SCN1B: variants seen among roughly 807,000 people sequenced by gnomAD.
SCN1B encodes sodium voltage-gated channel beta subunit 1.
Under a neutral mutation model 25.7 loss-of-function variants are expected in SCN1B, and 11 were observed. That is an observed-to-expected ratio of 0.43 (90% CI 0.27 to 0.71). The LOEUF (loss-of-function observed/expected upper bound fraction) is 0.71. Ranked by LOEUF, SCN1B falls within the 30% of genes least tolerant of loss-of-function variation. The pLI, the probability that SCN1B is intolerant of heterozygous loss-of-function variation, is 0.21. For synonymous variants in SCN1B, 119 were observed against 117.5 expected, an observed-to-expected ratio of 1.01 and a Z score of -0.08; for missense variants, 224 against 291.5, an observed-to-expected ratio of 0.77 and a Z score of 1.69.
rs1236649026 is a variant in SCN1B, at chr19:35,030,574, G to T, written c.-247G>T. 6.7e-6 allele frequency: 1 copy of T among 150,084 alleles called. No homozygotes were observed. The highest frequency in any genetic ancestry group is 1.5e-5 in the Non-Finnish European group (1 of 67,568). The allele number at this position is 150,084 out of a possible 1,614,324, so 9.3% of individuals were successfully genotyped here. On this transcript the variant is annotated 5_prime_UTR_variant, in exon 1 of 6. Transcript: ENST00000262631. ...CCCGGCTGCGCGCGCCAGCGCAGCA[G>T]CCCGAGCAGCGGCCGCCGCCCGCGC...
At position 35,039,160 on chromosome 19, in the gene SCN1B, T is replaced by C. The variant is rs535042320; in HGVS notation, c.492T>C (p.Tyr164=). Residue 164 remains tyrosine (Y), a synonymous_variant, in exon 4 of 6, where the codon TAT becomes TAC. Transcript: ENST00000262631. The part of the protein sequence containing the change: ...MASIVSEIMM[Y]VLIVVLTIWL... ...CCATCGTGTCTGAGATCATGATGTA[T>C]GTGCTCATTGTGGTGTTGACCATAT... 389 of 1,614,220 alleles carry C rather than the reference T, an allele frequency of 2.4e-4. 8 individuals carry two copies. In the South Asian group the frequency reaches 4.0e-3, roughly 17 times the overall value.
chr19:35,036,755 ATTATTATTATTT>A (rs1390752608), intron 3 of SCN1B: 16 of 145,104 alleles, frequency 1.1e-4, no homozygotes, highest in Admixed American at 9.8e-4. Flanking sequence ...TATTATTATT[ATTATTATTATTT>A]CAAGTTAGAG....
In SCN1B at chr19:35,039,332, C is replaced by T. The variant is rs72550243; in HGVS notation, c.590+74C>T. 8,402 of 1,595,308 alleles carry T rather than the reference C, an allele frequency of 5.3e-3. 366 individuals carry two copies. The South Asian group carries it at 0.078, about 15-fold the overall frequency. ...CTTGCCAGAGAGGAACTCCGGAGCC[C>T]GGGCAGGGAGGAGGCAGCGGAGCGG... On this transcript the variant is annotated intron_variant, in intron 4 of 5. Transcript: ENST00000262631.
chr19:35,033,874 G>T lies in SCN1B; in HGVS notation c.448+135G>T, dbSNP rs945858287. On this transcript the variant is annotated intron_variant, in intron 3 of 5. Coordinates refer to ENST00000262631, the MANE Select transcript of SCN1B (RefSeq NM_001037.5). ...CCGCCCACAGCAGCGGGCTGAGGGG[G>T]AGGGGAGCAGCCCCTCCTGCCCACT... 4 of 1,605,098 alleles carry T rather than the reference G, an allele frequency of 2.5e-6. No homozygotes were observed. The highest frequency in any genetic ancestry group is 2.2e-5 in the East Asian group (1 of 44,594).
At chr19:35,031,990 C>CTGAG (rs2064216794) in intron 1 of SCN1B, among the ~76,000 whole-genome samples, 1 of 152,126 alleles carries the variant, frequency 6.6e-6, no homozygotes, top group South Asian at 2.1e-4. Flanking sequence ...TGGAGAGGGG[C>CTGAG]TGAGTGTGGG....
Position 35,039,688 on chromosome 19 carries a change from A to G in SCN1B, c.644A>G (p.Gln215Arg). The G allele has an allele frequency of 6.2e-7, 1 of 1,614,196 alleles. No individual in the cohort carries two copies. Among genetic ancestry groups the G allele is most frequent in the Non-Finnish European group, 8.5e-7 (1 of 1,180,010 alleles). ...AGCAAAGAGAACTGCACGGGCGTCC[A>G]GGTGGCCGAATAGCCCTGGTAAGGC... ...SESKENCTGV[Q>R]VAE The change falls in exon 5 of 6, where the codon CAG becomes CGG. Residue 215 changes from glutamine to arginine, a missense_variant. This residue lies in a region of SCN1B where 52 missense variants were observed against 50.8 expected (regional missense o/e 1.02). Coordinates refer to ENST00000262631, the MANE Select transcript of SCN1B (RefSeq NM_001037.5).
Position 35,033,556 on chromosome 19 carries a change from C to T in SCN1B, c.265C>T (p.Arg89Cys), listed in dbSNP as rs766910280. 1.5e-5 allele frequency: 24 copies of T among 1,613,884 alleles called. No homozygotes were observed. Among genetic ancestry groups the T allele is most frequent in the East Asian group, 2.2e-5 (1 of 44,890 alleles). Residue 89 changes from arginine to cysteine, a missense_variant, in exon 3 of 6, where the codon CGC becomes TGC. This residue lies in a region of SCN1B where 126 missense variants were observed against 204.9 expected (regional missense o/e 0.61). Coordinates refer to ENST00000262631, the MANE Select transcript of SCN1B (RefSeq NM_001037.5). ...QLEEDERFEG[R>C]VVWNGSRGTK... ...GGAGGAGGATGAGCGCTTCGAGGGC[C>T]GCGTGGTGTGGAATGGCAGCCGGGG...
At position 35,030,878 on chromosome 19, in the gene SCN1B, G is replaced by T; in HGVS notation, c.40+18G>T. On this transcript the variant is annotated intron_variant, in intron 1 of 5. Coordinates refer to ENST00000262631, the MANE Select transcript of SCN1B (RefSeq NM_001037.5). Reference sequence around the variant, plus strand: ...GGCACTGGGTGAGTGCGCGGGGGGCGCGCGCGGCCGGGGGGCACCGCGGGG... The same window carrying T: ...GGCACTGGGTGAGTGCGCGGGGGGCTCGCGCGGCCGGGGGGCACCGCGGGG... 1 of 629,576 alleles carries T rather than the reference G, an allele frequency of 1.6e-6. No homozygotes were observed. Among genetic ancestry groups the T allele is most frequent in the Non-Finnish European group, 2.1e-6 (1 of 479,134 alleles). 39.0% of individuals were successfully genotyped at this position (629,576 alleles called of 1,614,324 possible).
chr19:35,039,697 A>G lies in SCN1B; in HGVS notation c.653A>G (p.Glu218Gly). ...KENCTGVQVAE is the reference protein window; with the variant it reads ...KENCTGVQVAG The stretch of plus-strand genomic sequence containing the variant: ...AACTGCACGGGCGTCCAGGTGGCCG[A>G]ATAGCCCTGGTAAGGCGGATGGGCT... Residue 218 changes from glutamate to glycine, a missense_variant, in exon 5 of 6, where the codon GAA becomes GGA. By Grantham distance (98) the Glu-to-Gly change is moderately conservative. Coordinates refer to ENST00000262631, the MANE Select transcript of SCN1B (RefSeq NM_001037.5). The G allele has an allele frequency of 6.2e-7, 1 of 1,614,132 alleles. No individual in the cohort carries two copies. The highest frequency in any genetic ancestry group is 1.6e-4 in the Middle Eastern group (1 of 6,062).
intron 3 of SCN1B, chr19:35,034,168 C>A: frequency 6.5e-7 from 1 of 1,548,124 alleles, no homozygotes; most frequent in Non-Finnish European, 8.7e-7. Flanking sequence ...CCAGCAGAGC[C>A]TTGCAGGTGG....
chr19:35,031,094 C>T (rs1245875756), intron 1 of SCN1B, among the ~76,000 whole-genome samples: 1 of 151,106 alleles, frequency 6.6e-6, no homozygotes, highest in Non-Finnish European at 1.5e-5. Context: ...CTGGCGGCTG[C>T]AGGCGCCCAG....
In SCN1B at chr19:35,039,820, G is replaced by A. The variant is rs1450666624; in HGVS notation, c.*29G>A. The A allele has an allele frequency of 8.9e-7, 1 of 1,118,546 alleles. No individual in the cohort carries two copies. The highest frequency in any genetic ancestry group is 2.0e-5 in the Admixed American group (1 of 49,854). 69.3% of individuals were successfully genotyped at this position (1,118,546 alleles called of 1,614,324 possible). A position where few individuals can be genotyped will look rare whatever the true frequency, so the allele number is the denominator to read the frequency against. Reference sequence around the variant, plus strand: ...AGGCCCTGGGCCCCGCCTCAAGGAAGAGCCAGCCGTAATGGGGACTCTCCA... The same window carrying A: ...AGGCCCTGGGCCCCGCCTCAAGGAAAAGCCAGCCGTAATGGGGACTCTCCA... On this transcript the variant is annotated 3_prime_UTR_variant, in exon 6 of 6. Coordinates refer to ENST00000262631, the MANE Select transcript of SCN1B (RefSeq NM_001037.5).
rs1358362937 is a variant in SCN1B, at chr19:35,039,675, T to A, written c.631T>A (p.Cys211Ser). ...CATCACCTCTGAAAGCAAAGAGAAC[T>A]GCACGGGCGTCCAGGTGGCCGAATA... ...LAITSESKENCTGVQVAE is the reference protein window; with the variant it reads ...LAITSESKENSTGVQVAE Residue 211 changes from cysteine (C) to serine (S), a missense_variant, in exon 5 of 6, where the codon TGC (cysteine) becomes AGC (serine). By Grantham distance (112) the Cys-to-Ser change is moderately radical. Transcript: ENST00000262631. The A allele has an allele frequency of 6.2e-7, 1 of 1,614,164 alleles. No homozygotes were observed. The highest frequency in any genetic ancestry group is 8.5e-7 in the Non-Finnish European group (1 of 1,180,016).
chr19:35,038,494 C>T (rs764527252), intron 3 of SCN1B: 3 of 166,056 alleles, frequency 1.8e-5, no homozygotes, highest in Non-Finnish European at 4.0e-5. Context: ...TGAGTGTTCC[C>T]ATCTCCATTT....
intron 3 of SCN1B, chr19:35,034,048 C>T: frequency 6.4e-7 from 1 of 1,550,790 alleles, no homozygotes. Flanking sequence ...AAGGGTTGTC[C>T]TGGGCTTGCC....
At chr19:35,037,387 C>G (rs1378262444) in intron 3 of SCN1B, 1 of 152,118 alleles carries the variant, frequency 6.6e-6, no homozygotes, top group African/African-American at 2.4e-5. Flanking sequence ...TCGCGGCTGG[C>G]CTTCAGATCT....
chr19:35,037,220 A>C (rs2064253491), intron 3 of SCN1B: 1 of 152,300 alleles, frequency 6.6e-6, no homozygotes, highest in African/African-American at 2.4e-5. Context: ...GGTGGAGAAG[A>C]TGCTGGGAAG....
At position 35,034,344 on chromosome 19, in the gene SCN1B, G is replaced by A. The variant is rs148521036; in HGVS notation, c.448+605G>A. The A allele has an allele frequency of 2.3e-3, 1,399 of 600,022 alleles. 17 individuals carry two copies. Among genetic ancestry groups the A allele is most frequent in the African/African-American group, 0.022 (1,168 of 53,834 alleles). 37.2% of individuals were successfully genotyped at this position (600,022 alleles called of 1,614,324 possible). ...CAGTCTCACTCAACACCTCTGGGGC[G>A]GGCCTAGGGGTCCTTTCTAAAGCTC... On this transcript the variant is annotated intron_variant, in intron 3 of 5. Coordinates refer to ENST00000262631, the MANE Select transcript of SCN1B (RefSeq NM_001037.5).
In SCN1B at chr19:35,039,720, G is replaced by T. The variant is rs762964215; in HGVS notation, c.*5+14G>T. 2.5e-6 allele frequency: 4 copies of T among 1,613,624 alleles called. No homozygotes were observed. The highest frequency in any genetic ancestry group is 1.3e-5 in the African/African-American group (1 of 74,926). On this transcript the variant is annotated intron_variant, in intron 5 of 5. Transcript: ENST00000262631. ...CGAATAGCCCTGGTAAGGCGGATGG[G>T]CTGGCAGAGGGGAAGGGGATTGGGA...
Sources: gnomAD v4.1 joint callset for allele counts (sites outside exome capture counted in the v4.1 genomes callset) on GRCh38, gnomAD v4.1.1 for gene constraint, gnomAD v4.1.1 regional missense constraint, MANE v1.5 for transcripts, NCBI Gene and HGNC (gene_info 2026-07-23, HGNC 2026-07-21) for gene names.